TNS3: variants seen among roughly 807,000 people sequenced by gnomAD.
The protein encoded by TNS3 is tensin 3.
In TNS3, 45 loss-of-function variants were observed where a neutral mutation model predicts 140.9. The observed-to-expected ratio is 0.32, with a 90% CI of 0.25 to 0.41. The LOEUF (loss-of-function observed/expected upper bound fraction) is 0.41. Among genes scored for constraint, TNS3 ranks in the 10% least tolerant of loss-of-function variants. The pLI, the probability that TNS3 is intolerant of heterozygous loss-of-function variation, is 1.00. For synonymous variants in TNS3, 815 were observed against 788.4 expected, an observed-to-expected ratio of 1.03 and a Z score of -0.56; for missense variants, 1,716 against 1,906.7, an observed-to-expected ratio of 0.90 and a Z score of 1.86.
intron 16 of TNS3, among the ~76,000 whole-genome samples, chr7:47,383,782 T>G (rs1250178377): frequency 6.6e-6 from 1 of 152,158 alleles, no homozygotes; most frequent in African/African-American, 2.4e-5. Flanking sequence ...CACTCTCTTC[T>G]GTGCACTGGT....
chr7:47,538,476 C>CT (rs1384640863), intron 1 of TNS3, among the ~76,000 whole-genome samples: 1 of 152,136 alleles, frequency 6.6e-6, no homozygotes, highest in Non-Finnish European at 1.5e-5. Flanking sequence ...CTCCAACACT[C>CT]TAACTTCAGA....
At chr7:47,314,429 A>G (rs978888767) in intron 20 of TNS3, among the ~76,000 whole-genome samples, 4 of 152,218 alleles carry the variant, frequency 2.6e-5, no homozygotes, top group African/African-American at 9.6e-5. Context: ...CTGAGCATCT[A>G]GCAAGCACAG....
chr7:47,487,397 C>T (rs1181074526), intron 3 of TNS3, among the ~76,000 whole-genome samples: 1 of 152,174 alleles, frequency 6.6e-6, no homozygotes, highest in Non-Finnish European at 1.5e-5. Flanking sequence ...CTCCTCTAAT[C>T]GTTTCTTCCT....
chr7:47,530,838 A>AAAAATATATAGATATATAT, intron 1 of TNS3, among the ~76,000 whole-genome samples: 1 of 54,566 alleles, frequency 1.8e-5, no homozygotes, highest in Non-Finnish European at 3.3e-5. Flanking sequence ...AAAAAAAAAA[A>AAAAATATATAGATATATAT]ATATATATAT....
chr7:47,279,702 CAAA>C (rs60620426), intron 30 of TNS3: 16 of 141,588 alleles, frequency 1.1e-4, no homozygotes, highest in South Asian at 5.8e-4. Context: ...AACTCTGTCT[CAAA>C]AAAAAAAAAA....
At chr7:47,366,635 G>A (rs1325023167) in intron 17 of TNS3, among the ~76,000 whole-genome samples, 1 of 151,842 alleles carries the variant, frequency 6.6e-6, no homozygotes, top group Non-Finnish European at 1.5e-5. Context: ...CCTGAGTCGG[G>A]ACTGCAGTCC....
At chr7:47,376,006 T>C (rs563501436) in intron 16 of TNS3, among the ~76,000 whole-genome samples, 125 of 152,376 alleles carry the variant, frequency 8.2e-4, no homozygotes, top group Non-Finnish European at 1.6e-3. Context: ...AACTTTTTCA[T>C]TTCAAAAGAA....
chr7:47,472,382 G>A (rs1356755469), intron 4 of TNS3, among the ~76,000 whole-genome samples: 2 of 152,194 alleles, frequency 1.3e-5, no homozygotes, highest in Non-Finnish European at 1.5e-5. Flanking sequence ...ATAGCACGTC[G>A]TTTCCTTACC....
chr7:47,413,825 C>G (rs1721932658), intron 12 of TNS3, 112 bp downstream of exon 12: 10 of 1,351,192 alleles, frequency 7.4e-6, no homozygotes, highest in Admixed American at 2.0e-5. Flanking sequence ...TTGGCATTCT[C>G]TGACCTGAAC....
chr7:47,363,142 TCAC>T (rs1790482683), intron 17 of TNS3, among the ~76,000 whole-genome samples: 2 of 67,324 alleles, frequency 3.0e-5, no homozygotes, highest in Admixed American at 1.6e-4. Context: ...ACTGTCATCA[TCAC>T]CATCATCATC....
intron 16 of TNS3, among the ~76,000 whole-genome samples, chr7:47,394,194 T>G (rs1792694213): frequency 6.6e-6 from 1 of 152,260 alleles, no homozygotes; most frequent in Admixed American, 6.5e-5. Flanking sequence ...TGCTATGGAC[T>G]GAATATTTGT....
chr7:47,575,804 CAG>C (rs1800661244), intron 1 of TNS3, among the ~76,000 whole-genome samples: 1 of 109,468 alleles, frequency 9.1e-6, no homozygotes, highest in African/African-American at 3.8e-5. Flanking sequence ...GCCTGGGTGA[CAG>C]AGTGAGACTC....
intron 3 of TNS3, among the ~76,000 whole-genome samples, chr7:47,503,955 G>A (rs556880946): frequency 2.6e-5 from 4 of 152,164 alleles, no homozygotes; most frequent in African/African-American, 7.2e-5. Context: ...CCACCCTCGC[G>A]ACCTAATCAT....
At chr7:47,450,251 A>C (rs1795953940) in intron 4 of TNS3, among the ~76,000 whole-genome samples, 1 of 152,250 alleles carries the variant, frequency 6.6e-6, no homozygotes, top group Non-Finnish European at 1.5e-5. Flanking sequence ...TGACTTTAAC[A>C]GGCTTATCTA....
chr7:47,496,285 A>C (rs1798004692), intron 3 of TNS3, among the ~76,000 whole-genome samples: 1 of 152,218 alleles, frequency 6.6e-6, no homozygotes, highest in African/African-American at 2.4e-5. Flanking sequence ...GGGGTCTTCT[A>C]GAAAGGGGCC....
chr7:47,559,634 G>A (rs1800282467), intron 1 of TNS3, among the ~76,000 whole-genome samples: 1 of 152,080 alleles, frequency 6.6e-6, no homozygotes, highest in South Asian at 2.1e-4. Context: ...TCTTACGAGA[G>A]GCCAGCCCTC....
At chr7:47,537,333 C>G (rs1160467047) in intron 1 of TNS3, among the ~76,000 whole-genome samples, 3 of 152,290 alleles carry the variant, frequency 2.0e-5, no homozygotes, top group South Asian at 4.1e-4. Flanking sequence ...AGAAGTCAGA[C>G]GCCGGGAACA....
intron 4 of TNS3, among the ~76,000 whole-genome samples, chr7:47,468,728 G>GA (rs1341303418): frequency 3.3e-5 from 5 of 151,630 alleles, no homozygotes; most frequent in African/African-American, 7.3e-5. Flanking sequence ...CACAGAATCA[G>GA]AAAAAAAACT....
intron 3 of TNS3, among the ~76,000 whole-genome samples, chr7:47,496,477 G>T (rs1430875789): frequency 6.6e-6 from 1 of 152,162 alleles, no homozygotes; most frequent in African/African-American, 2.4e-5. Flanking sequence ...GCAGGCGGGG[G>T]GAGGTGAGGT....
Sources: allele counts gnomAD v4.1 joint callset (sites outside exome capture counted in the v4.1 genomes callset), GRCh38; gene constraint gnomAD v4.1.1; transcripts MANE v1.5; gene names NCBI Gene and HGNC (gene_info 2026-07-23, HGNC 2026-07-21).